The following EGF variants were observed in gnomAD, a reference collection of about 807,000 sequenced individuals.
EGF encodes epidermal growth factor.
Under a neutral mutation model 143.8 loss-of-function variants are expected in EGF, and 95 were observed. That is an observed-to-expected ratio of 0.66 (90% CI 0.56 to 0.78). EGF has a LOEUF of 0.78. Ranked by LOEUF, EGF falls within the 30% of genes least tolerant of loss-of-function variation. EGF has a pLI of 0.00. For synonymous variants in EGF, 510 were observed against 510.5 expected (o/e 1.00, Z 0.01); for missense variants, 1,320 against 1,470.9 (o/e 0.90, Z 1.68).
chr4:109,936,245 A>C (rs1291074217), intron 1 of EGF, among the ~76,000 whole-genome samples: 1 of 152,092 alleles, frequency 6.6e-6, no homozygotes, highest in Non-Finnish European at 1.5e-5. Flanking sequence ...GTCTATTCAG[A>C]GATTCAACTT....
chr4:109,969,246 A>G, intron 11 of EGF, 127 bp downstream of exon 11: 1 of 1,246,102 alleles, frequency 8.0e-7, no homozygotes, highest in East Asian at 2.4e-5. Context: ...ATTGGAGAAA[A>G]GAGGCCACCA....
intron 21 of EGF, chr4:110,001,535 A>T (rs1752573619): frequency 1.1e-6 from 1 of 894,030 alleles, no homozygotes; most frequent in Non-Finnish European, 1.3e-6. Context: ...GGCAGGAAAA[A>T]AAAATGGAAA....
At chr4:109,931,729 G>A (rs577696232) in intron 1 of EGF, among the ~76,000 whole-genome samples, 1 of 152,262 alleles carries the variant, frequency 6.6e-6, no homozygotes, top group Non-Finnish European at 1.5e-5. Context: ...AGTAGAGTAG[G>A]GATCTGCAAA....
Position 109,970,718 on chromosome 4 carries a change from A to G in EGF, c.1724+1599A>G, listed in dbSNP as rs373267541. Among the ~76,000 whole-genome samples, 548 of 150,588 alleles carry G rather than the reference A, an allele frequency of 3.6e-3. 2 individuals are homozygous for G. The highest frequency in any genetic ancestry group is 8.9e-3 in the African/African-American group (365 of 40,872). The stretch of plus-strand genomic sequence containing the variant: ...TGGGCGCCTGTAGTCCCAGCTACTC[A>G]GGAGGCTGAGGCAGGAGAATGGCGT... On this transcript the variant is annotated intron_variant, in intron 11 of 23. Coordinates refer to ENST00000265171, the MANE Select transcript of EGF (RefSeq NM_001963.6).
intron 6 of EGF, among the ~76,000 whole-genome samples, chr4:109,959,934 CAGG>C (rs1267204118): frequency 6.6e-6 from 1 of 152,150 alleles, no homozygotes; most frequent in Non-Finnish European, 1.5e-5. Flanking sequence ...GCAACGAACT[CAGG>C]AGAAATACTA....
intron 13 of EGF, among the ~76,000 whole-genome samples, chr4:109,979,087 CAG>C (rs1276282532): frequency 1.3e-5 from 2 of 152,180 alleles, no homozygotes; most frequent in African/African-American, 4.8e-5. Flanking sequence ...CATGCCTTCT[CAG>C]AGCAGTTCCA....
intron 21 of EGF, among the ~76,000 whole-genome samples, chr4:110,001,184 G>T (rs1248189144): frequency 1.3e-5 from 2 of 152,178 alleles, no homozygotes; most frequent in Non-Finnish European, 2.9e-5. Context: ...TTACTATAAA[G>T]TAGGAACAAG....
chr4:109,971,312 TC>T (rs1219498672), intron 11 of EGF, among the ~76,000 whole-genome samples: 1 of 152,198 alleles, frequency 6.6e-6, no homozygotes, highest in Non-Finnish European at 1.5e-5. Context: ...ATTATAAAAA[TC>T]ATAATAATGA....
At chr4:109,932,250 C>T (rs1283401424) in intron 1 of EGF, among the ~76,000 whole-genome samples, 1 of 148,720 alleles carries the variant, frequency 6.7e-6, no homozygotes, top group Non-Finnish European at 1.5e-5. Flanking sequence ...TTTTTGAGTG[C>T]CTATTATGTA....
At chr4:109,958,061 A>T (rs1366517140) in intron 5 of EGF, among the ~76,000 whole-genome samples, 1 of 152,208 alleles carries the variant, frequency 6.6e-6, no homozygotes. Context: ...GGGGATTGGT[A>T]TCCCCCAAGA....
Position 109,980,741 on chromosome 4 carries a change from C to T in EGF, c.2222-85C>T, listed in dbSNP as rs11569016. 3.2e-4 allele frequency: 474 copies of T among 1,501,596 alleles called. No individual in the cohort carries two copies. The African/African-American group carries it at 5.8e-3, about 18-fold the overall frequency. 93.0% of individuals were successfully genotyped at this position (1,501,596 alleles called of 1,614,324 possible). On this transcript the variant is annotated intron_variant, in intron 14 of 23. Coordinates refer to ENST00000265171, the MANE Select transcript of EGF (RefSeq NM_001963.6). ...ATTTCTCTCCCTAAAAGCTATAGCTCCCTAAAAGCAAGCTGTAGACTTGCA... is the reference window on the plus strand; with the variant it reads ...ATTTCTCTCCCTAAAAGCTATAGCTTCCTAAAAGCAAGCTGTAGACTTGCA...
Position 109,988,646 on chromosome 4 carries a change from A to G in EGF, c.2671A>G (p.Thr891Ala). The stretch of plus-strand genomic sequence containing the variant: ...CCCTGCCTCCTCCAAGTGCATCAAC[A>G]CCGAAGGTGGTTATGTCTGCCGGTG... ...CPPASSKCIN[T>A]EGGYVCRCSE... Residue 891 changes from threonine (T) to alanine (A), a missense_variant, in exon 18 of 24, where the codon ACC becomes GCC. Around this residue, in one of 5 missense-constraint regions of EGF, gnomAD observed 1,186 missense variants for 1,313.7 expected, o/e 0.90. Transcript: ENST00000265171. 2 of 1,614,054 alleles carry G rather than the reference A, an allele frequency of 1.2e-6. No homozygotes were observed. The highest frequency in any genetic ancestry group is 1.7e-6 in the Non-Finnish European group (2 of 1,179,934).
At position 110,013,731 on chromosome 4, in the gene EGF, C is replaced by A. The variant is rs144472094; in HGVS notation, c.*2276C>A. Reference sequence around the variant, plus strand: ...ATGTAAAAAATGAGCATATTGGCCTCTTTTCTAGCATCTAATAAAGGCTTA... The same window carrying A: ...ATGTAAAAAATGAGCATATTGGCCTATTTTCTAGCATCTAATAAAGGCTTA... On this transcript the variant is annotated 3_prime_UTR_variant, in exon 24 of 24. Transcript: ENST00000265171. Among the ~76,000 whole-genome samples the A allele has an allele frequency of 1.2e-4, 19 of 152,046 alleles. No homozygotes were observed. In the East Asian group the frequency reaches 3.5e-3, roughly 28 times the overall value.
intron 11 of EGF, among the ~76,000 whole-genome samples, chr4:109,972,652 C>G (rs939991750): frequency 1.3e-5 from 2 of 152,176 alleles, no homozygotes; most frequent in Non-Finnish European, 2.9e-5. Context: ...GTAAAATTAT[C>G]TTTTTAAAGT....
rs1754163621 is a variant in EGF at position 110,013,578 on chromosome 4, G to A, written c.*2123G>A. Among the ~76,000 whole-genome samples the A allele has an allele frequency of 1.3e-5, 2 of 152,192 alleles. No individual in the cohort carries two copies. The highest frequency in any genetic ancestry group is 2.9e-5 in the Non-Finnish European group (2 of 67,990). On this transcript the variant is annotated 3_prime_UTR_variant, in exon 24 of 24. Coordinates refer to ENST00000265171, the MANE Select transcript of EGF (RefSeq NM_001963.6). ...TTTCCTTTAAAAATTCAAGTTTTAA[G>A]AACAGCATTTTCATGTAAAAACTTG...
At chr4:110,004,727 C>A in intron 22 of EGF, 105 bp downstream of exon 22, 1 of 807,694 alleles carries the variant, frequency 1.2e-6, no homozygotes, top group Non-Finnish European at 1.8e-6. Context: ...TCAGTTATAG[C>A]TTCCAGCTGG....
At chr4:109,954,274 A>C (rs947054378) in intron 5 of EGF, among the ~76,000 whole-genome samples, 2 of 151,938 alleles carry the variant, frequency 1.3e-5, no homozygotes, top group African/African-American at 4.8e-5. Context: ...CTAGTCTCCA[A>C]CTCCTGGCCT....
intron 1 of EGF, among the ~76,000 whole-genome samples, chr4:109,920,967 G>A (rs1419807812): frequency 1.3e-5 from 2 of 151,632 alleles, no homozygotes; most frequent in African/African-American, 4.9e-5. Flanking sequence ...GTTTGCTGGG[G>A]CTCATGACAA....
chr4:109,986,704 G>A (rs190366737), intron 16 of EGF, among the ~76,000 whole-genome samples: 8 of 152,026 alleles, frequency 5.3e-5, no homozygotes, highest in Admixed American at 3.9e-4. Context: ...CAAAAAGGTA[G>A]GGCAGAGTGG....
Sources: allele counts gnomAD v4.1 joint callset (sites outside exome capture counted in the v4.1 genomes callset), GRCh38; gene constraint gnomAD v4.1.1; regional missense constraint gnomAD v4.1.1; transcripts MANE v1.5; gene names NCBI Gene and HGNC (gene_info 2026-07-23, HGNC 2026-07-21).